Variants in PIGL observed in about 807,000 individuals in gnomAD.
PIGL encodes phosphatidylinositol glycan anchor biosynthesis class L, also known as N-acetylglucosaminyl-phosphatidylinositol de-N-acetylase.
A neutral mutation model predicts 31.1 loss-of-function variants in PIGL; 22 were observed. The observed-to-expected ratio is 0.71, with a 90% CI of 0.51 to 1.01. The LOEUF (loss-of-function observed/expected upper bound fraction) is 1.01. Among genes scored for constraint, PIGL ranks in the 50% least tolerant of loss-of-function variants. The probability of loss-of-function intolerance (pLI) is 0.00; values close to 1 mark genes in which losing one functional copy is unlikely to be tolerated. For missense variants in PIGL, 302 were observed against 315.9 expected (o/e 0.96, Z 0.33); for synonymous variants, 131 against 117.4 (o/e 1.12, Z -0.75).
chr17:16,304,182 G>A (rs2093017191), intron 3 of PIGL, among the ~76,000 whole-genome samples: 1 of 152,196 alleles, frequency 6.6e-6, no homozygotes, highest in Non-Finnish European at 1.5e-5. Flanking sequence ...AGCTGAGCAT[G>A]GGTTTCCATT....
intron 2 of PIGL, among the ~76,000 whole-genome samples, chr17:16,258,799 C>G (rs1422293337): frequency 6.6e-6 from 1 of 152,184 alleles, no homozygotes; most frequent in Admixed American, 6.6e-5. Context: ...CCACGTCCAG[C>G]CTGGAAGTAG....
chr17:16,318,855 C>T (rs530305994), intron 6 of PIGL, among the ~76,000 whole-genome samples: 2 of 151,460 alleles, frequency 1.3e-5, no homozygotes, highest in Admixed American at 6.6e-5. Flanking sequence ...CGCATGAACC[C>T]GGGAGGTGGA....
chr17:16,217,409 G>A lies in PIGL; in HGVS notation c.183G>A (p.Val61=). Residue 61 remains valine (V), a synonymous_variant, in exon 1 of 7, where the codon GTG becomes GTA. Coordinates refer to ENST00000225609, the MANE Select transcript of PIGL (RefSeq NM_004278.4). ...DDEAMFFAPT[V]LGLARLRHWV... The stretch of plus-strand genomic sequence containing the variant: ...AAGCCATGTTTTTTGCTCCCACAGT[G>A]CTAGGCTTGGCCCGCCTAAGGCACT... 6.2e-7 allele frequency: 1 copy of A among 1,614,234 alleles called. No individual in the cohort carries two copies. The highest frequency in any genetic ancestry group is 8.5e-7 in the Non-Finnish European group (1 of 1,180,042).
intron 1 of PIGL, among the ~76,000 whole-genome samples, chr17:16,228,818 C>A (rs1007806816): frequency 1.3e-5 from 2 of 152,220 alleles, no homozygotes; most frequent in Non-Finnish European, 2.9e-5. Flanking sequence ...CCCCTCCTCT[C>A]CCAAGCCTCT....
chr17:16,279,565 A>G (rs1208217900), intron 2 of PIGL: 1 of 152,204 alleles, frequency 6.6e-6, no homozygotes, highest in Non-Finnish European at 1.5e-5. Flanking sequence ...TTATTTTATT[A>G]TACTTCCCAA....
chr17:16,223,166 A>G (rs898207780), intron 1 of PIGL, among the ~76,000 whole-genome samples: 17 of 152,362 alleles, frequency 1.1e-4, no homozygotes, highest in African/African-American at 4.1e-4. Flanking sequence ...GGTTTAATCC[A>G]GTATTCCTCC....
At chr17:16,316,365 A>G (rs79920175) in intron 4 of PIGL, among the ~76,000 whole-genome samples, 1 of 152,190 alleles carries the variant, frequency 6.6e-6, no homozygotes, top group East Asian at 1.9e-4. Flanking sequence ...TACACTTCCA[A>G]GAGAAAAACT....
intron 6 of PIGL, among the ~76,000 whole-genome samples, chr17:16,319,319 A>C (rs1008132744): frequency 6.6e-6 from 1 of 151,752 alleles, no homozygotes; most frequent in Admixed American, 6.6e-5. Flanking sequence ...CAATTACGCC[A>C]CTGTATGTAT....
Position 16,271,752 on chromosome 17 carries a change from A to T in PIGL, c.336-28136A>T, listed in dbSNP as rs545104038. On this transcript the variant is annotated intron_variant, in intron 2 of 6. Transcript: ENST00000225609. ...TCACCATATTGGCCAGGCTGGTCTC[A>T]AACTCCTGACCTCATGGTCTGCCCG... 2.6e-4 allele frequency among the ~76,000 whole-genome samples: 39 copies of T among 152,262 alleles called. 2 individuals are homozygous for T. The South Asian group carries it at 6.6e-3, about 26-fold the overall frequency.
chr17:16,288,243 G>T (rs539979953), intron 2 of PIGL, among the ~76,000 whole-genome samples: 1 of 151,650 alleles, frequency 6.6e-6, no homozygotes, highest in African/African-American at 2.4e-5. Flanking sequence ...TCTCACTCTT[G>T]TTGCCCAGGT....
intron 2 of PIGL, among the ~76,000 whole-genome samples, chr17:16,250,209 C>T (rs77875945): frequency 0.048 from 7,235 of 152,148 alleles, 197 homozygotes; most frequent in African/African-American, 0.086. Flanking sequence ...CTTTGTCTTG[C>T]GAAGTGCTGG....
chr17:16,282,815 T>C (rs8077876), intron 2 of PIGL, among the ~76,000 whole-genome samples: 36 of 152,288 alleles, frequency 2.4e-4, no homozygotes, highest in African/African-American at 8.4e-4. Flanking sequence ...AGGCTGGTCA[T>C]AGGACTCAGC....
chr17:16,249,248 G>A (rs2092760922), intron 2 of PIGL, among the ~76,000 whole-genome samples: 1 of 152,230 alleles, frequency 6.6e-6, no homozygotes, highest in South Asian at 2.1e-4. Flanking sequence ...GGAGGCCGAG[G>A]CAGGTGGATC....
intron 2 of PIGL, 72 bp from the exon 3 acceptor site, chr17:16,299,816 C>A: frequency 1.9e-6 from 2 of 1,050,624 alleles, no homozygotes; most frequent in Non-Finnish European, 3.0e-6. Context: ...ACTGGGCATG[C>A]ACCTACTGGA....
intron 1 of PIGL, among the ~76,000 whole-genome samples, chr17:16,226,227 C>G (rs2142650147): frequency 1.3e-5 from 2 of 152,188 alleles, no homozygotes; most frequent in Middle Eastern, 6.8e-3. Flanking sequence ...CTTGTCTCTG[C>G]CTCACAATGT....
intron 1 of PIGL, among the ~76,000 whole-genome samples, chr17:16,229,249 C>T (rs562158035): frequency 2.2e-4 from 33 of 152,046 alleles, no homozygotes; most frequent in East Asian, 7.7e-4. Flanking sequence ...TGCATTCCGG[C>T]CTGGGTGACA....
chr17:16,234,553 C>T (rs1239208005), intron 2 of PIGL, among the ~76,000 whole-genome samples: 1 of 152,216 alleles, frequency 6.6e-6, no homozygotes, highest in African/African-American at 2.4e-5. Flanking sequence ...CACCTCAGGT[C>T]AGGAGTTCAA....
At chr17:16,270,910 A>T (rs533204723) in intron 2 of PIGL, among the ~76,000 whole-genome samples, 26 of 151,480 alleles carry the variant, frequency 1.7e-4, no homozygotes, top group Middle Eastern at 3.4e-3. Context: ...AAAAGAGAAA[A>T]GGAAAAGTAG....
chr17:16,219,251 G>C (rs369051304), intron 1 of PIGL, among the ~76,000 whole-genome samples: 1 of 151,572 alleles, frequency 6.6e-6, no homozygotes, highest in Non-Finnish European at 1.5e-5. Context: ...TAGTAGAGAC[G>C]GGGTTTCACT....
Sources: gnomAD v4.1 joint callset for allele counts (sites outside exome capture counted in the v4.1 genomes callset) on GRCh38, gnomAD v4.1.1 for gene constraint, MANE v1.5 for transcripts, NCBI Gene and HGNC (gene_info 2026-07-23, HGNC 2026-07-21) for gene names.